Variants in ANXA11 observed in about 807,000 individuals in gnomAD.
ANXA11 encodes annexin A11.
A neutral mutation model predicts 64.7 loss-of-function variants in ANXA11; 57 were observed. That is an observed-to-expected ratio of 0.88 (90% CI 0.71 to 1.10). The LOEUF is 1.10. Ranked by LOEUF, ANXA11 falls within the 50% of genes least tolerant of loss-of-function variation. The pLI is 0.00. For missense variants in ANXA11, 675 were observed against 670.7 expected, an observed-to-expected ratio of 1.01 and a Z score of -0.07; for synonymous variants, 260 against 265.2, an observed-to-expected ratio of 0.98 and a Z score of 0.19.
chr10:80,166,867 C>T (rs572274654), intron 7 of ANXA11, 23 bp downstream of exon 7: 17 of 1,573,038 alleles, frequency 1.1e-5, no homozygotes, highest in South Asian at 3.4e-5. Flanking sequence ...CTCACTGTCC[C>T]GCGCCCCCAC....
chr10:80,201,036 A>C (rs1240364546), intron 1 of ANXA11, among the ~76,000 whole-genome samples: 1 of 152,132 alleles, frequency 6.6e-6, no homozygotes, highest in Non-Finnish European at 1.5e-5. Context: ...AGGCAACAGA[A>C]TCAAACACTC....
intron 1 of ANXA11, among the ~76,000 whole-genome samples, chr10:80,200,483 A>G (rs1303829411): frequency 6.6e-6 from 1 of 152,238 alleles, no homozygotes; most frequent in African/African-American, 2.4e-5. Flanking sequence ...CAGCTTGATA[A>G]GCCTATATAC....
chr10:80,181,911 A>G (rs530265042), intron 1 of ANXA11, among the ~76,000 whole-genome samples: 4 of 152,314 alleles, frequency 2.6e-5, no homozygotes, highest in African/African-American at 9.6e-5. Context: ...AGTTTTACCA[A>G]TGATCCAGCA....
chr10:80,196,463 T>G (rs951983032), intron 1 of ANXA11, among the ~76,000 whole-genome samples: 3 of 152,164 alleles, frequency 2.0e-5, no homozygotes, highest in Non-Finnish European at 4.4e-5. Context: ...CCTGTTTCGG[T>G]AGCCTCTATT....
chr10:80,168,757 G>A (rs977959212), intron 5 of ANXA11, among the ~76,000 whole-genome samples: 1 of 152,086 alleles, frequency 6.6e-6, no homozygotes, highest in African/African-American at 2.4e-5. Flanking sequence ...GGTTGGTCTT[G>A]AACTCCTGGG....
intron 1 of ANXA11, among the ~76,000 whole-genome samples, chr10:80,199,929 G>A (rs192411867): frequency 2.0e-5 from 3 of 152,296 alleles, no homozygotes; most frequent in Admixed American, 2.0e-4. Flanking sequence ...TGGGGCCCGC[G>A]TCTTTCTGAC....
chr10:80,155,899 C>CCTG lies in ANXA11; in HGVS notation c.1469_1471dup (p.Ser490_Gly491insAla). ...CTTCAGCAGAATCTTCCGGTAATCC[C>CCTG]CTGAAGTATCTCCCTGGCCACAGAA... On this transcript the variant is annotated inframe_insertion, in exon 16 of 16. Transcript: ENST00000422982. The CCTG allele has an allele frequency of 6.2e-7, 1 of 1,614,166 alleles. No individual in the cohort carries two copies. Among genetic ancestry groups the CCTG allele is most frequent in the Non-Finnish European group, 8.5e-7 (1 of 1,180,006 alleles).
At chr10:80,186,007 G>C (rs1196833631) in intron 1 of ANXA11, among the ~76,000 whole-genome samples, 2 of 152,138 alleles carry the variant, frequency 1.3e-5, no homozygotes, top group African/African-American at 4.8e-5. Context: ...CTTCATTAAA[G>C]GCAATGGAGG....
At chr10:80,190,122 G>A (rs1391828651) in intron 1 of ANXA11, among the ~76,000 whole-genome samples, 1 of 152,206 alleles carries the variant, frequency 6.6e-6, no homozygotes. Context: ...AAGAGGGAAT[G>A]GGGAGTTTAC....
rs1845492964 is a variant in ANXA11 at position 80,161,285 on chromosome 10, C to T, written c.1180+650G>A. ...CTGGGAGCCCCAGGCAGGCCTCTGCCCCTGCATCTCCCTTTAGGTTTTTAA... is the reference window on the plus strand; with the variant it reads ...CTGGGAGCCCCAGGCAGGCCTCTGCTCCTGCATCTCCCTTTAGGTTTTTAA... On this transcript the variant is annotated intron_variant, in intron 12 of 15. Coordinates refer to ENST00000422982, the MANE Select transcript of ANXA11 (RefSeq NM_145868.2). Among the ~76,000 whole-genome samples, 6 of 152,222 alleles carry T rather than the reference C, an allele frequency of 3.9e-5. No individual in the cohort carries two copies. The South Asian group carries it at 1.2e-3, about 31-fold the overall frequency.
intron 13 of ANXA11, among the ~76,000 whole-genome samples, 189 bp downstream of exon 13, chr10:80,158,911 G>T (rs1199416719): frequency 1.3e-5 from 2 of 152,174 alleles, no homozygotes; most frequent in East Asian, 3.8e-4. Context: ...AGGACAGCTA[G>T]GGGTTCAACT....
chr10:80,191,734 G>A (rs1429429887), intron 1 of ANXA11, among the ~76,000 whole-genome samples: 3 of 152,220 alleles, frequency 2.0e-5, no homozygotes, highest in South Asian at 4.1e-4. Flanking sequence ...AGTGGCTTCC[G>A]TGTGGCCAGG....
rs1845160157 is a variant in ANXA11, at chr10:80,151,696, A to G, written c.*4157T>C. ...CTCTTCCCAAAGCTAGGAGTGCCTCATCTCATCTCTCATCACCTGACTGAA... is the reference window on the plus strand; with the variant it reads ...CTCTTCCCAAAGCTAGGAGTGCCTCGTCTCATCTCTCATCACCTGACTGAA... On this transcript the variant is annotated 3_prime_UTR_variant, in exon 16 of 16. Transcript: ENST00000422982. The G allele has an allele frequency of 6.6e-6, 1 of 152,178 alleles. No homozygotes were observed. The highest frequency in any genetic ancestry group is 1.5e-5 in the Non-Finnish European group (1 of 68,042). The allele number at this position is 152,178 out of a possible 1,614,324, so 9.4% of individuals were successfully genotyped here. A position where few individuals can be genotyped will look rare whatever the true frequency, so the allele number is the denominator to read the frequency against.
intron 15 of ANXA11, chr10:80,157,048 A>T (rs563448401): frequency 1.0e-6 from 1 of 985,358 alleles, no homozygotes; most frequent in African/African-American, 1.7e-5. Context: ...AGTGTTTAAT[A>T]GACACTTGAC....
chr10:80,193,441 T>C (rs1030455628), intron 1 of ANXA11, among the ~76,000 whole-genome samples: 1 of 152,200 alleles, frequency 6.6e-6, no homozygotes, highest in African/African-American at 2.4e-5. Flanking sequence ...TTTGGCTTTT[T>C]TCGTGTATTA....
chr10:80,205,504 G>A lies in ANXA11; in HGVS notation c.-219C>T, dbSNP rs1840638331. On this transcript the variant is annotated 5_prime_UTR_variant, in exon 1 of 16. Transcript: ENST00000422982. ...CACTCGGGGCACTGGGGAGCCGCGG[G>A]CGCAGCAGCCGTCAGCGCCGGGCGG... 6.6e-6 allele frequency: 1 copy of A among 152,074 alleles called. No individual in the cohort carries two copies. Among genetic ancestry groups the A allele is most frequent in the Non-Finnish European group, 1.5e-5 (1 of 67,994 alleles). The allele number at this position is 152,074 out of a possible 1,614,324, so 9.4% of individuals were successfully genotyped here.
chr10:80,176,712 G>A (rs1846181836), intron 1 of ANXA11, among the ~76,000 whole-genome samples: 1 of 152,130 alleles, frequency 6.6e-6, no homozygotes, highest in Admixed American at 6.5e-5. Context: ...TGGAGGGCCT[G>A]CAGGCCAGCC....
intron 2 of ANXA11, 190 bp from the exon 3 acceptor site, chr10:80,173,059 C>G: frequency 1.8e-6 from 1 of 564,050 alleles, no homozygotes; most frequent in Non-Finnish European, 3.1e-6. Context: ...ACAGTACCCA[C>G]CAGCATGCTG....
At chr10:80,158,794 A>G (rs1845386398) in intron 13 of ANXA11, among the ~76,000 whole-genome samples, 2 of 152,174 alleles carry the variant, frequency 1.3e-5, no homozygotes, top group Non-Finnish European at 2.9e-5. Context: ...ACGTGGCAGG[A>G]TATGAGTCAT....
Sources: allele counts gnomAD v4.1 joint callset (sites outside exome capture counted in the v4.1 genomes callset), GRCh38; gene constraint gnomAD v4.1.1; transcripts MANE v1.5; gene names NCBI Gene and HGNC (gene_info 2026-07-23, HGNC 2026-07-21).